Variants in GDNF observed in about 807,000 individuals in gnomAD.
GDNF encodes glial cell derived neurotrophic factor.
A neutral mutation model predicts 13.7 loss-of-function variants in GDNF; 5 were observed. The observed-to-expected ratio is 0.36, with a 90% CI of 0.19 to 0.77. The LOEUF (loss-of-function observed/expected upper bound fraction) is 0.77. GDNF is among the 30% of genes least tolerant of loss of function. The pLI, the probability that GDNF is intolerant of heterozygous loss-of-function variation, is 0.51. For missense variants in GDNF, 246 were observed against 274.3 expected, an observed-to-expected ratio of 0.90 and a Z score of 0.73; for synonymous variants, 122 against 112.5, an observed-to-expected ratio of 1.08 and a Z score of -0.53.
At chr5:37,825,404 G>C (rs1488013330) in intron 2 of GDNF, among the ~76,000 whole-genome samples, 11 of 152,138 alleles carry the variant, frequency 7.2e-5, no homozygotes, top group Admixed American at 7.2e-4. Context: ...CAGCTTTTAA[G>C]TCAGGAAAAC....
chr5:37,831,713 G>C lies in GDNF; in HGVS notation c.151+2933C>G, dbSNP rs559357845. On this transcript the variant is annotated intron_variant, in intron 2 of 2. Coordinates refer to ENST00000326524, the MANE Select transcript of GDNF (RefSeq NM_000514.4). ...TGCCTCTTTAGGTTTCAGGACTAGA[G>C]GGGTTTCCTTTCAGCTCGAAAATGC... Among the ~76,000 whole-genome samples the C allele has an allele frequency of 2.0e-5, 3 of 152,324 alleles. No homozygotes were observed. The South Asian group carries it at 6.2e-4, about 32-fold the overall frequency.
At chr5:37,818,756 A>G (rs1750018909) in intron 2 of GDNF, among the ~76,000 whole-genome samples, 1 of 152,116 alleles carries the variant, frequency 6.6e-6, no homozygotes, top group Admixed American at 6.5e-5. Context: ...TTTGCATTTT[A>G]CCTGCAATAT....
At chr5:37,824,102 G>C in intron 2 of GDNF, 1 of 925,172 alleles carries the variant, frequency 1.1e-6, no homozygotes, top group East Asian at 1.2e-4. Context: ...ATTTAAGAGA[G>C]GTAAAAGATG....
intron 2 of GDNF, among the ~76,000 whole-genome samples, chr5:37,829,462 C>T (rs565856414): frequency 5.9e-5 from 9 of 152,190 alleles, no homozygotes; most frequent in Non-Finnish European, 8.8e-5. Flanking sequence ...TCCAGCCATC[C>T]GCCCATCCAC....
In GDNF at chr5:37,838,904, A is replaced by G. The variant is rs1275212786; in HGVS notation, c.-27+603T>C. On this transcript the variant is annotated intron_variant, in intron 1 of 2. Coordinates refer to ENST00000326524, the MANE Select transcript of GDNF (RefSeq NM_000514.4). The surrounding 1 kb of genome is among the most constrained non-coding windows in gnomAD (Gnocchi z 4.1). ...AGCCCCTCTCCTAACCTCGACGGGG[A>G]TGGTTAGTTGGGGTGGAGGGCGTTA... Among the ~76,000 whole-genome samples the G allele has an allele frequency of 6.6e-6, 1 of 151,986 alleles. No homozygotes were observed. The highest frequency in any genetic ancestry group is 1.9e-4 in the East Asian group (1 of 5,192).
intron 1 of GDNF, 173 bp from the exon 2 acceptor site, chr5:37,834,995 C>A: frequency 1.6e-6 from 1 of 617,088 alleles, no homozygotes; most frequent in Non-Finnish European, 2.8e-6. Context: ...CAGTTCGCTT[C>A]TCCCTCCTCA....
At chr5:37,826,239 A>T (rs771873437) in intron 2 of GDNF, among the ~76,000 whole-genome samples, 4 of 152,176 alleles carry the variant, frequency 2.6e-5, no homozygotes, top group Admixed American at 6.5e-5. Context: ...ATAAGAAAAG[A>T]TTTCAGCTCA....
At chr5:37,836,710 G>A (rs1028979636) in intron 1 of GDNF, among the ~76,000 whole-genome samples, 45 of 152,326 alleles carry the variant, frequency 3.0e-4, no homozygotes, top group African/African-American at 1.0e-3. Context: ...AATGGCTGGC[G>A]GTCCGACCGG....
At chr5:37,820,680 G>C (rs1440461670) in intron 2 of GDNF, among the ~76,000 whole-genome samples, 2 of 152,108 alleles carry the variant, frequency 1.3e-5, no homozygotes, top group Non-Finnish European at 2.9e-5. Context: ...GCATGTGTAG[G>C]GGTAGGGAGT....
intron 2 of GDNF, among the ~76,000 whole-genome samples, chr5:37,825,083 A>G (rs1750261109): frequency 1.3e-5 from 2 of 152,214 alleles, no homozygotes; most frequent in African/African-American, 4.8e-5. Flanking sequence ...TTTGCCCATC[A>G]AAATGCCATC....
intron 2 of GDNF, among the ~76,000 whole-genome samples, chr5:37,829,752 T>C (rs1249780399): frequency 6.6e-6 from 1 of 152,232 alleles, no homozygotes; most frequent in Admixed American, 6.5e-5. Flanking sequence ...GCTCACGCCC[T>C]GGGTCAGCCT....
At chr5:37,832,374 G>A (rs1750552843) in intron 2 of GDNF, among the ~76,000 whole-genome samples, 1 of 152,214 alleles carries the variant, frequency 6.6e-6, no homozygotes, top group South Asian at 2.1e-4. Flanking sequence ...TTCAAAGTCT[G>A]CATACTGTCA....
chr5:37,824,792 C>A (rs1750251568), intron 2 of GDNF, among the ~76,000 whole-genome samples: 1 of 152,186 alleles, frequency 6.6e-6, no homozygotes. Flanking sequence ...GTGTCCACAG[C>A]ATCTATTTTC....
rs75624956 is a variant in GDNF at position 37,837,994 on chromosome 5, GTTT to G, written c.-27+1510_-27+1512del. On this transcript the variant is annotated intron_variant, in intron 1 of 2. Coordinates refer to ENST00000326524, the MANE Select transcript of GDNF (RefSeq NM_000514.4). The surrounding 1 kb of genome is among the most constrained non-coding windows in gnomAD (Gnocchi z 6.5). ...GGGAGACGGGTTTGCTATAAACTCGGTTTTTTTTTTTTTTTTTTTGGCGGGGGG... is the reference window on the plus strand; with the variant it reads ...GGGAGACGGGTTTGCTATAAACTCGGTTTTTTTTTTTTTTTTGGCGGGGGG... 3.7e-3 allele frequency among the ~76,000 whole-genome samples: 466 copies of G among 125,442 alleles called. 4 individuals are homozygous for G. The highest frequency in any genetic ancestry group is 0.012 in the African/African-American group (417 of 33,586). 82.3% of individuals were successfully genotyped at this position (125,442 alleles called of 152,430 possible).
chr5:37,814,006 C>G lies in GDNF; in HGVS notation c.*1645G>C, dbSNP rs1318240084. ...TGTCAGGTGTTTGGGTATATAGGAGCAGCAGCTGTTGACCCCCGGTGACAG... is the reference window on the plus strand; with the variant it reads ...TGTCAGGTGTTTGGGTATATAGGAGGAGCAGCTGTTGACCCCCGGTGACAG... On this transcript the variant is annotated 3_prime_UTR_variant, in exon 3 of 3. Coordinates refer to ENST00000326524, the MANE Select transcript of GDNF (RefSeq NM_000514.4). The G allele has an allele frequency of 6.5e-6, 1 of 152,726 alleles. No homozygotes were observed. Among genetic ancestry groups the G allele is most frequent in the Non-Finnish European group, 1.5e-5 (1 of 68,156 alleles). 9.5% of individuals were successfully genotyped at this position (152,726 alleles called of 1,614,324 possible). A position where few individuals can be genotyped will look rare whatever the true frequency, so the allele number is the denominator to read the frequency against.
intron 2 of GDNF, among the ~76,000 whole-genome samples, chr5:37,825,800 G>A (rs551073384): frequency 2.0e-5 from 3 of 152,296 alleles, no homozygotes; most frequent in African/African-American, 7.2e-5. Flanking sequence ...GGGTCTCAGT[G>A]ATTTGAACAA....
rs185537260 is a variant in GDNF, at chr5:37,829,641, A to G, written c.151+5005T>C. ...TAATCAAATGAAGGTGCTATGGTCC[A>G]TGAGTGTTAAATAAACAAAGATCAA... On this transcript the variant is annotated intron_variant, in intron 2 of 2. Transcript: ENST00000326524. Among the ~76,000 whole-genome samples, 258 of 151,754 alleles carry G rather than the reference A, an allele frequency of 1.7e-3. 1 individual carries two copies. Among genetic ancestry groups the G allele is most frequent in the Admixed American group, 3.3e-3 (50 of 15,238 alleles).
intron 2 of GDNF, among the ~76,000 whole-genome samples, chr5:37,820,895 C>G (rs1750114313): frequency 6.6e-6 from 1 of 152,168 alleles, no homozygotes; most frequent in African/African-American, 2.4e-5. Flanking sequence ...ATAGGCAACT[C>G]TTATTAAGCT....
In GDNF at chr5:37,815,293, C is replaced by T. The variant is rs1047945291; in HGVS notation, c.*358G>A. On this transcript the variant is annotated 3_prime_UTR_variant, in exon 3 of 3. Coordinates refer to ENST00000326524, the MANE Select transcript of GDNF (RefSeq NM_000514.4). The surrounding 1 kb of genome is among the most constrained non-coding windows in gnomAD (Gnocchi z 5.0). Reference sequence around the variant, plus strand: ...ACTGGTTTGGTTCAAGTGCATCCACCGCAACCGCGCCGGTAATCAGTGATG... The same window carrying T: ...ACTGGTTTGGTTCAAGTGCATCCACTGCAACCGCGCCGGTAATCAGTGATG... The T allele has an allele frequency of 1.0e-4, 35 of 347,948 alleles. No homozygotes were observed. The highest frequency in any genetic ancestry group is 1.7e-4 in the Non-Finnish European group (32 of 184,506). The allele number at this position is 347,948 out of a possible 1,614,324, so 21.6% of individuals were successfully genotyped here.
Sources: gnomAD v4.1 joint callset for allele counts (sites outside exome capture counted in the v4.1 genomes callset) on GRCh38, gnomAD v4.1.1 for gene constraint, Gnocchi (gnomAD v3.1) non-coding constraint, MANE v1.5 for transcripts, NCBI Gene and HGNC (gene_info 2026-07-23, HGNC 2026-07-21) for gene names.